Variants in FRAS1 observed in about 807,000 individuals in gnomAD.
The protein encoded by FRAS1 is extracellular matrix organizing protein FRAS1.
A neutral mutation model predicts 435.2 loss-of-function variants in FRAS1; 290 were observed. That is an observed-to-expected ratio of 0.67 (90% CI 0.61 to 0.73). The LOEUF is 0.73. Ranked by LOEUF, FRAS1 falls within the 30% of genes least tolerant of loss-of-function variation. The pLI, the probability that FRAS1 is intolerant of heterozygous loss-of-function variation, is 0.00. For synonymous variants in FRAS1, 1,800 were observed against 1,851.0 expected, an observed-to-expected ratio of 0.97 and a Z score of 0.71; for missense variants, 4,860 against 5,001.5, an observed-to-expected ratio of 0.97 and a Z score of 0.85.
rs1426541730 is a variant in FRAS1, at chr4:78,361,164, C to T, written c.2423-2349C>T. Among the ~76,000 whole-genome samples, 8 of 152,342 alleles carry T rather than the reference C, an allele frequency of 5.3e-5. No individual in the cohort carries two copies. In the East Asian group the frequency reaches 1.5e-3, roughly 29 times the overall value. On this transcript the variant is annotated intron_variant, in intron 20 of 73. Coordinates refer to ENST00000512123, the MANE Select transcript of FRAS1 (RefSeq NM_025074.7). ...ACACTATCACCTTCATTTGCTCTTG[C>T]AACTTTTGAAGCTTTTTAAATTTCC...
chr4:78,182,147 G>A, intron 2 of FRAS1: 1 of 813,116 alleles, frequency 1.2e-6, no homozygotes, highest in East Asian at 2.7e-5. Flanking sequence ...GGGCCAAGAT[G>A]GAAGCAGGTA....
At position 78,104,744 on chromosome 4, in the gene FRAS1, T is replaced by C. The variant is rs1206801164; in HGVS notation, c.108+38728T>C. Among the ~76,000 whole-genome samples the C allele has an allele frequency of 5.3e-5, 8 of 152,204 alleles. 1 individual carries two copies. In the East Asian group the frequency reaches 1.3e-3, roughly 26 times the overall value. ...CTTGTCTTCAAAGAACTTACAGTCA[T>C]CTTAGAAGAACTTTCAACTGAATGG... On this transcript the variant is annotated intron_variant, in intron 2 of 73. Transcript: ENST00000512123.
In FRAS1 at chr4:78,258,471, C is replaced by G. The variant is rs566656098; in HGVS notation, c.603+3096C>G. 1.3e-4 allele frequency among the ~76,000 whole-genome samples: 19 copies of G among 151,746 alleles called. No homozygotes were observed. In the South Asian group the frequency reaches 3.9e-3, roughly 32 times the overall value. ...TGGGGGTATCTAAAATTTGGAAGGACTATAATCTCTTCCCATCCTGACCCT... is the reference window on the plus strand; with the variant it reads ...TGGGGGTATCTAAAATTTGGAAGGAGTATAATCTCTTCCCATCCTGACCCT... On this transcript the variant is annotated intron_variant, in intron 6 of 73. Coordinates refer to ENST00000512123, the MANE Select transcript of FRAS1 (RefSeq NM_025074.7).
At chr4:78,347,687 C>T (rs1185534874) in intron 20 of FRAS1, among the ~76,000 whole-genome samples, 1 of 151,932 alleles carries the variant, frequency 6.6e-6, no homozygotes, top group East Asian at 1.9e-4. Flanking sequence ...TCAAGTTCCT[C>T]TTATTCACTT....
At chr4:78,082,811 T>C (rs1054214401) in intron 2 of FRAS1, among the ~76,000 whole-genome samples, 2 of 152,128 alleles carry the variant, frequency 1.3e-5, no homozygotes, top group Admixed American at 6.6e-5. Flanking sequence ...ATTAGGTTTC[T>C]CGTCAATTTG....
At chr4:78,425,953 T>C (rs1315068796) in intron 35 of FRAS1, among the ~76,000 whole-genome samples, 1 of 152,024 alleles carries the variant, frequency 6.6e-6, no homozygotes, top group Non-Finnish European at 1.5e-5. Context: ...CCCACGCACA[T>C]AGTAATATTC....
At chr4:78,368,612 G>A (rs1215946034) in intron 22 of FRAS1, among the ~76,000 whole-genome samples, 1 of 152,144 alleles carries the variant, frequency 6.6e-6, no homozygotes, top group Non-Finnish European at 1.5e-5. Flanking sequence ...CCTGTTATTT[G>A]CTTTCATGAA....
intron 2 of FRAS1, among the ~76,000 whole-genome samples, chr4:78,082,608 A>C (rs1740946653): frequency 6.6e-6 from 1 of 152,004 alleles, no homozygotes; most frequent in African/African-American, 2.4e-5. Context: ...TTGCTACAGG[A>C]GACAGGATTC....
chr4:78,277,243 C>T (rs1286904824), intron 9 of FRAS1, among the ~76,000 whole-genome samples: 1 of 152,178 alleles, frequency 6.6e-6, no homozygotes, highest in Admixed American at 6.5e-5. Context: ...AAAGGGAATT[C>T]CCTGACCCCT....
At chr4:78,141,650 G>T (rs1720188373) in intron 2 of FRAS1, among the ~76,000 whole-genome samples, 1 of 152,078 alleles carries the variant, frequency 6.6e-6, no homozygotes, top group South Asian at 2.1e-4. Flanking sequence ...TCATAATGGG[G>T]CTAGGTATTA....
intron 59 of FRAS1, among the ~76,000 whole-genome samples, chr4:78,490,870 GT>G (rs56896691): frequency 0.98 from 147,792 of 151,074 alleles, 72,323 homozygotes; most frequent in South Asian, 1. Flanking sequence ...CCAGGAGCTG[GT>G]TTTTTTTTTA....
chr4:78,099,172 A>G (rs1326438052), intron 2 of FRAS1, among the ~76,000 whole-genome samples: 3 of 152,182 alleles, frequency 2.0e-5, no homozygotes, highest in African/African-American at 7.2e-5. Flanking sequence ...TGATCGAGGA[A>G]GAGCTGGTGG....
chr4:78,520,726 T>C (rs924436791), intron 67 of FRAS1, among the ~76,000 whole-genome samples: 5 of 152,254 alleles, frequency 3.3e-5, no homozygotes, highest in Non-Finnish European at 7.3e-5. Context: ...TTTATTCTTA[T>C]ATTTTCTATT....
At chr4:78,394,997 T>C (rs1732599429) in intron 29 of FRAS1, among the ~76,000 whole-genome samples, 1 of 152,022 alleles carries the variant, frequency 6.6e-6, no homozygotes, top group South Asian at 2.1e-4. Flanking sequence ...TAATTTGTTT[T>C]TCAAAGAGTT....
At chr4:78,246,365 G>A (rs1004047847) in intron 4 of FRAS1, among the ~76,000 whole-genome samples, 1 of 152,124 alleles carries the variant, frequency 6.6e-6, no homozygotes, top group Non-Finnish European at 1.5e-5. Flanking sequence ...AAAGCACAGT[G>A]CTCATTTCCC....
At chr4:78,481,061 CT>C (rs1352792333) in intron 56 of FRAS1, among the ~76,000 whole-genome samples, 5 of 152,036 alleles carry the variant, frequency 3.3e-5, no homozygotes, top group Admixed American at 2.6e-4. Flanking sequence ...TAGCATGTTT[CT>C]TTTCCCATAC....
In FRAS1 at chr4:78,543,338, G is replaced by A. The variant is rs1351357951; in HGVS notation, c.*2214G>A. The A allele has an allele frequency of 3.9e-5, 6 of 152,298 alleles. No individual in the cohort carries two copies. The highest frequency in any genetic ancestry group is 5.9e-5 in the Non-Finnish European group (4 of 68,110). 9.4% of individuals were successfully genotyped at this position (152,298 alleles called of 1,614,324 possible). The stretch of plus-strand genomic sequence containing the variant: ...GCTCCAAGTGCCAGAATGCTTACAC[G>A]TTAAAGCAGCACCTTTCCATTTGCC... On this transcript the variant is annotated 3_prime_UTR_variant, in exon 74 of 74. Transcript: ENST00000512123.
At chr4:78,539,511 A>G (rs7656368) in intron 73 of FRAS1, 71 bp downstream of exon 73, 17 of 1,164,000 alleles carry the variant, frequency 1.5e-5, no homozygotes, top group South Asian at 9.9e-5. Context: ...AAAAAAAAAG[A>G]AGGAGGACTG....
chr4:78,441,887 C>T (rs1235794608), intron 41 of FRAS1, among the ~76,000 whole-genome samples: 3 of 152,268 alleles, frequency 2.0e-5, no homozygotes, highest in African/African-American at 7.2e-5. Flanking sequence ...GCCCTGAACA[C>T]TCTGGTGGTT....
Sources: allele counts gnomAD v4.1 joint callset (sites outside exome capture counted in the v4.1 genomes callset), GRCh38; gene constraint gnomAD v4.1.1; transcripts MANE v1.5; gene names NCBI Gene and HGNC (gene_info 2026-07-23, HGNC 2026-07-21).